The following LRRK1 variants were observed in gnomAD, a reference collection of about 807,000 sequenced individuals.
LRRK1 encodes the protein leucine-rich repeat serine/threonine-protein kinase 1.
Under a neutral mutation model 209.1 loss-of-function variants are expected in LRRK1, and 113 were observed. The observed-to-expected ratio is 0.54, with a 90% CI of 0.46 to 0.63. LRRK1 has a LOEUF of 0.63. Among genes scored for constraint, LRRK1 ranks in the 30% least tolerant of loss-of-function variants. The pLI, the probability that LRRK1 is intolerant of heterozygous loss-of-function variation, is 0.00. For missense variants in LRRK1, 2,284 were observed against 2,632.2 expected (o/e 0.87, Z 2.89); for synonymous variants, 1,144 against 1,099.7 (o/e 1.04, Z -0.80).
chr15:101,060,013 C>T (rs2036065070), intron 29 of LRRK1, among the ~76,000 whole-genome samples: 1 of 152,200 alleles, frequency 6.6e-6, no homozygotes, highest in Non-Finnish European at 1.5e-5. Flanking sequence ...GACAGTTCCG[C>T]TCAGGGCTCT....
chr15:100,995,630 C>G (rs1484001540), intron 6 of LRRK1, among the ~76,000 whole-genome samples: 1 of 152,146 alleles, frequency 6.6e-6, no homozygotes, highest in Non-Finnish European at 1.5e-5. Flanking sequence ...TGAGAAATAG[C>G]TTAATGCTTT....
chr15:101,029,252 C>A lies in LRRK1; in HGVS notation c.2963+20C>A. The A allele has an allele frequency of 6.3e-7, 1 of 1,591,438 alleles. No homozygotes were observed. The highest frequency in any genetic ancestry group is 1.1e-5 in the South Asian group (1 of 87,854). ...TGACAGGTGAGGACACAACTTAACA[C>A]GCCAGGCTGTGCAGGTTGCTCCCCG... On this transcript the variant is annotated intron_variant, in intron 20 of 33. Coordinates refer to ENST00000388948, the MANE Select transcript of LRRK1 (RefSeq NM_024652.6).
intron 20 of LRRK1, among the ~76,000 whole-genome samples, chr15:101,043,239 C>A (rs2034863964): frequency 6.6e-6 from 1 of 152,208 alleles, no homozygotes; most frequent in Non-Finnish European, 1.5e-5. Flanking sequence ...GGCCAGAGAC[C>A]CGGCCACCTG....
chr15:101,000,911 T>C (rs2032654366), intron 6 of LRRK1, among the ~76,000 whole-genome samples: 1 of 152,206 alleles, frequency 6.6e-6, no homozygotes, highest in Non-Finnish European at 1.5e-5. Flanking sequence ...CTTCACTTCA[T>C]TGCCCTTGGC....
intron 26 of LRRK1, among the ~76,000 whole-genome samples, chr15:101,053,664 G>C (rs535534454): frequency 6.6e-6 from 1 of 152,238 alleles, no homozygotes; most frequent in Non-Finnish European, 1.5e-5. Context: ...GCTCTGCCGC[G>C]GTCCGGAAAG....
chr15:101,027,444 C>A lies in LRRK1; in HGVS notation c.2526+63C>A, dbSNP rs1424116013. On this transcript the variant is annotated intron_variant, in intron 18 of 33. Coordinates refer to ENST00000388948, the MANE Select transcript of LRRK1 (RefSeq NM_024652.6). The surrounding 1 kb of genome is among the most constrained non-coding windows in gnomAD (Gnocchi z 5.1). ...TGCTTCCCATTGTTGGGGGTCCTCA[C>A]TTCCCCCTCTCTCCTGTGAAGCCCA... 2 of 1,581,018 alleles carry A rather than the reference C, an allele frequency of 1.3e-6. No individual in the cohort carries two copies. Among genetic ancestry groups the A allele is most frequent in the Non-Finnish European group, 1.7e-6 (2 of 1,163,454 alleles).
At chr15:101,014,005 C>T (rs1377524778) in intron 10 of LRRK1, among the ~76,000 whole-genome samples, 3 of 152,162 alleles carry the variant, frequency 2.0e-5, no homozygotes, top group Non-Finnish European at 2.9e-5. Context: ...CAGAGAGACA[C>T]ACCGGTAATC....
chr15:101,014,057 C>G (rs2033414697), intron 10 of LRRK1, among the ~76,000 whole-genome samples: 1 of 152,108 alleles, frequency 6.6e-6, no homozygotes, highest in African/African-American at 2.4e-5. Flanking sequence ...TGCTTGGGCT[C>G]CTTTCACTCT....
At chr15:100,958,578 A>G (rs2042812782) in intron 2 of LRRK1, among the ~76,000 whole-genome samples, 1 of 152,258 alleles carries the variant, frequency 6.6e-6, no homozygotes, top group Non-Finnish European at 1.5e-5. Context: ...CCAGATGGCT[A>G]AGGAATAAGA....
chr15:101,056,873 T>C lies in LRRK1; in HGVS notation c.4350T>C (p.Tyr1450=), dbSNP rs766305552. 5 of 1,609,370 alleles carry C rather than the reference T, an allele frequency of 3.1e-6. No homozygotes were observed. Among genetic ancestry groups the C allele is most frequent in the South Asian group, 2.2e-5 (2 of 90,364 alleles). Residue 1450 remains tyrosine, a synonymous_variant, in exon 28 of 34, where the codon TAT becomes TAC. Coordinates refer to ENST00000388948, the MANE Select transcript of LRRK1 (RefSeq NM_024652.6). ...VYDEKVDMFS[Y]GMVLYELLSG... ...GTGCCCAGGTAGATATGTTCTCCTA[T>C]GGAATGGTGCTCTACGAGTTGCTGT... is the stretch of plus-strand genomic sequence containing the variant.
intron 7 of LRRK1, among the ~76,000 whole-genome samples, chr15:101,009,298 C>T (rs921870568): frequency 1.3e-5 from 2 of 152,366 alleles, no homozygotes; most frequent in East Asian, 3.9e-4. Flanking sequence ...CATGCGAATG[C>T]TTGCCTGAGA....
Position 101,076,370 on chromosome 15 carries a change from A to G in LRRK1, c.*7522A>G, listed in dbSNP as rs2036987794. The G allele has an allele frequency of 6.6e-6, 1 of 151,282 alleles. No homozygotes were observed. Among genetic ancestry groups the G allele is most frequent in the African/African-American group, 2.4e-5 (1 of 40,842 alleles). The allele number at this position is 151,282 out of a possible 1,614,324, so 9.4% of individuals were successfully genotyped here. On this transcript the variant is annotated 3_prime_UTR_variant, in exon 34 of 34. Coordinates refer to ENST00000388948, the MANE Select transcript of LRRK1 (RefSeq NM_024652.6). Reference sequence around the variant, plus strand: ...CTTTATTGAGTCTCCCACAATTACCATTTTTCCTGGCACCGACTTCAATCC... The same window carrying G: ...CTTTATTGAGTCTCCCACAATTACCGTTTTTCCTGGCACCGACTTCAATCC...
At chr15:100,959,383 A>G (rs1420183495) in intron 2 of LRRK1, among the ~76,000 whole-genome samples, 1 of 152,226 alleles carries the variant, frequency 6.6e-6, no homozygotes, top group East Asian at 1.9e-4. Flanking sequence ...GGGACAGTCC[A>G]GGACCCAGGT....
intron 5 of LRRK1, among the ~76,000 whole-genome samples, chr15:100,989,049 T>C (rs2032023045): frequency 6.6e-6 from 1 of 152,258 alleles, no homozygotes; most frequent in South Asian, 2.1e-4. Flanking sequence ...AATGGGACTG[T>C]TGTACGAGGC....
intron 2 of LRRK1, among the ~76,000 whole-genome samples, chr15:100,926,045 A>G (rs2042104281): frequency 6.6e-6 from 1 of 152,218 alleles, no homozygotes; most frequent in African/African-American, 2.4e-5. Context: ...CTCCATCTGA[A>G]ATGTCCAGCA....
chr15:100,933,544 C>T (rs1331277284), intron 2 of LRRK1, among the ~76,000 whole-genome samples: 1 of 151,998 alleles, frequency 6.6e-6, no homozygotes, highest in Non-Finnish European at 1.5e-5. Flanking sequence ...AAACTTTTGA[C>T]CAGGTCCAGT....
intron 4 of LRRK1, among the ~76,000 whole-genome samples, chr15:100,987,843 C>T (rs1222996536): frequency 2.6e-5 from 4 of 152,164 alleles, no homozygotes; most frequent in Non-Finnish European, 4.4e-5. Flanking sequence ...GTTCATACTC[C>T]TGCATGTAAT....
intron 3 of LRRK1, among the ~76,000 whole-genome samples, chr15:100,976,387 C>T (rs1433984365): frequency 1.3e-5 from 2 of 152,172 alleles, no homozygotes; most frequent in African/African-American, 4.8e-5. Flanking sequence ...GACACACACA[C>T]ATCTGAAAGA....
chr15:101,010,314 A>G, intron 7 of LRRK1, 136 bp from the exon 8 acceptor site: 2 of 907,746 alleles, frequency 2.2e-6, no homozygotes, highest in African/African-American at 1.7e-5. Context: ...TATGCACTAC[A>G]TTTTCAATGC....
Sources: allele counts gnomAD v4.1 joint callset (sites outside exome capture counted in the v4.1 genomes callset), GRCh38; gene constraint gnomAD v4.1.1; non-coding constraint Gnocchi (gnomAD v3.1); transcripts MANE v1.5; gene names NCBI Gene and HGNC (gene_info 2026-07-23, HGNC 2026-07-21).